Variants in KLHL7 observed in about 807,000 individuals in gnomAD.
KLHL7 encodes kelch-like protein 7.
Under a neutral mutation model 67.4 loss-of-function variants are expected in KLHL7, and 44 were observed. That is an observed-to-expected ratio of 0.65 (90% CI 0.51 to 0.84). KLHL7 has a LOEUF of 0.84. Ranked by LOEUF, KLHL7 falls within the 40% of genes least tolerant of loss-of-function variation. The pLI is 0.00. For synonymous variants in KLHL7, 252 were observed against 243.3 expected, an observed-to-expected ratio of 1.04 and a Z score of -0.33; for missense variants, 362 against 718.1, an observed-to-expected ratio of 0.50 and a Z score of 5.67.
intron 9 of KLHL7, 24 bp downstream of exon 9, chr7:23,168,061 T>G: frequency 1.2e-6 from 2 of 1,600,168 alleles, no homozygotes; most frequent in Non-Finnish European, 1.7e-6. Context: ...TAAAATTTAT[T>G]TTACAGTTAA....
chr7:23,143,181 G>C (rs1401899830), intron 5 of KLHL7, among the ~76,000 whole-genome samples: 1 of 152,200 alleles, frequency 6.6e-6, no homozygotes, highest in East Asian at 1.9e-4. Flanking sequence ...GTGGGTATGG[G>C]AGATGTGTGT....
chr7:23,132,629 G>GCAGA (rs1313821850), intron 4 of KLHL7, among the ~76,000 whole-genome samples: 1 of 152,044 alleles, frequency 6.6e-6, no homozygotes. Context: ...CCTTTACTGT[G>GCAGA]CAGAAGCTTT....
At chr7:23,124,561 G>T in intron 2 of KLHL7, 127 bp from the exon 3 acceptor site, 1 of 712,146 alleles carries the variant, frequency 1.4e-6, no homozygotes. Flanking sequence ...GCTTGCTGGG[G>T]CATTTTCTTC....
chr7:23,140,360 C>T (rs1316741176), intron 4 of KLHL7, among the ~76,000 whole-genome samples: 1 of 152,178 alleles, frequency 6.6e-6, no homozygotes, highest in Non-Finnish European at 1.5e-5. Flanking sequence ...CGAGACCATC[C>T]TGGCTAACAC....
At chr7:23,111,793 G>A (rs1782882412) in intron 1 of KLHL7, among the ~76,000 whole-genome samples, 1 of 130,556 alleles carries the variant, frequency 7.7e-6, no homozygotes, top group African/African-American at 3.1e-5. Context: ...TTGCACTCCA[G>A]CCTGGAGACA....
At chr7:23,125,852 A>T in intron 4 of KLHL7, 1 of 1,550,582 alleles carries the variant, frequency 6.4e-7, no homozygotes, top group Admixed American at 2.0e-5. Flanking sequence ...GAACGTCCAG[A>T]TGTTTGTGCA....
At chr7:23,132,336 TA>T (rs1783831948) in intron 4 of KLHL7, among the ~76,000 whole-genome samples, 1 of 152,368 alleles carries the variant, frequency 6.6e-6, no homozygotes, top group South Asian at 2.1e-4. Context: ...ATCTTTTGGA[TA>T]TGAGCCATTT....
At chr7:23,106,175 C>T (rs1360735010) in intron 1 of KLHL7, 29 bp downstream of exon 1, 1 of 1,605,514 alleles carries the variant, frequency 6.2e-7, no homozygotes, top group Non-Finnish European at 8.5e-7. Flanking sequence ...TGACGGACGA[C>T]GGTGGGAGGT....
chr7:23,170,651 CA>C (rs1233690207), intron 9 of KLHL7, among the ~76,000 whole-genome samples: 1 of 152,096 alleles, frequency 6.6e-6, no homozygotes, highest in Non-Finnish European at 1.5e-5. Flanking sequence ...CAAAAAGAAA[CA>C]AAAGGAAAGA....
rs556366574 is a variant in KLHL7, at chr7:23,174,674, G to A, written c.*376G>A. On this transcript the variant is annotated 3_prime_UTR_variant, in exon 11 of 11. Transcript: ENST00000339077. ...TTCATGCATCACAGAAGTGCTATAC[G>A]GTTAGGTCTGTTTGTGCTCAGTCAA... is the stretch of plus-strand genomic sequence containing the variant. The A allele has an allele frequency of 3.9e-5, 18 of 459,772 alleles. No homozygotes were observed. The highest frequency in any genetic ancestry group is 6.5e-5 in the Non-Finnish European group (15 of 230,526). The allele number at this position is 459,772 out of a possible 1,614,324, so 28.5% of individuals were successfully genotyped here. A position where few individuals can be genotyped will look rare whatever the true frequency, so the allele number is the denominator to read the frequency against.
chr7:23,128,971 T>C (rs1466641392), intron 4 of KLHL7, among the ~76,000 whole-genome samples: 1 of 152,204 alleles, frequency 6.6e-6, no homozygotes, highest in Non-Finnish European at 1.5e-5. Context: ...TACCAAAATG[T>C]GTTTATCCAT....
At chr7:23,108,268 A>G (rs1782726446) in intron 1 of KLHL7, among the ~76,000 whole-genome samples, 1 of 152,214 alleles carries the variant, frequency 6.6e-6, no homozygotes, top group African/African-American at 2.4e-5. Flanking sequence ...TTTAGATAAC[A>G]TGATTTGGGT....
chr7:23,153,412 T>G (rs1232481711), intron 7 of KLHL7, among the ~76,000 whole-genome samples: 1 of 152,142 alleles, frequency 6.6e-6, no homozygotes, highest in African/African-American at 2.4e-5. Flanking sequence ...ATTAGTCTAT[T>G]TGGGTATTTT....
intron 1 of KLHL7, among the ~76,000 whole-genome samples, chr7:23,118,475 A>G (rs573493921): frequency 3.3e-5 from 5 of 152,298 alleles, no homozygotes; most frequent in African/African-American, 9.6e-5. Flanking sequence ...CCCTGCCCCA[A>G]TGATTGATGT....
chr7:23,122,167 G>C (rs1174394180), intron 1 of KLHL7, among the ~76,000 whole-genome samples: 1 of 151,764 alleles, frequency 6.6e-6, no homozygotes, highest in Non-Finnish European at 1.5e-5. Flanking sequence ...ACCTCCTTCA[G>C]TGCCTATAAA....
intron 10 of KLHL7, 81 bp from the exon 11 acceptor site, chr7:23,173,934 A>G: frequency 7.1e-7 from 1 of 1,408,964 alleles, no homozygotes; most frequent in Non-Finnish European, 1.0e-6. Context: ...ATATTGGAAA[A>G]ATACAAAAAG....
In KLHL7 at chr7:23,162,234, A is replaced by G. The variant is rs528803563; in HGVS notation, c.937-3464A>G. ...TTTAGATTAAGATCTTGGGTTCACC[A>G]TTTTCTAATTATGTGACCTTTGGTA... On this transcript the variant is annotated intron_variant, in intron 7 of 10. Transcript: ENST00000339077. Among the ~76,000 whole-genome samples, 11 of 152,290 alleles carry G rather than the reference A, an allele frequency of 7.2e-5. No homozygotes were observed. In the East Asian group the frequency reaches 7.7e-4, roughly 11 times the overall value.
intron 1 of KLHL7, among the ~76,000 whole-genome samples, chr7:23,121,085 G>A (rs191377132): frequency 6.6e-6 from 1 of 152,224 alleles, no homozygotes; most frequent in East Asian, 1.9e-4. Context: ...AGAACATGTA[G>A]CATTTAACTT....
Position 23,151,953 on chromosome 7 carries a change from A to G in KLHL7, c.794-114A>G, listed in dbSNP as rs1784549218. On this transcript the variant is annotated intron_variant, in intron 6 of 10. Coordinates refer to ENST00000339077, the MANE Select transcript of KLHL7 (RefSeq NM_001031710.3). Reference sequence around the variant, plus strand: ...CTCACTTTCCTCAAATGCTATAGAGATATCATAAAAGTAAGTTACTGAAAT... The same window carrying G: ...CTCACTTTCCTCAAATGCTATAGAGGTATCATAAAAGTAAGTTACTGAAAT... 5 of 960,780 alleles carry G rather than the reference A, an allele frequency of 5.2e-6. No individual in the cohort carries two copies. The South Asian group carries it at 5.4e-5, about 10-fold the overall frequency. The allele number at this position is 960,780 out of a possible 1,614,324, so 59.5% of individuals were successfully genotyped here. A position where few individuals can be genotyped will look rare whatever the true frequency, so the allele number is the denominator to read the frequency against.
Sources: allele counts gnomAD v4.1 joint callset (sites outside exome capture counted in the v4.1 genomes callset), GRCh38; gene constraint gnomAD v4.1.1; transcripts MANE v1.5; gene names NCBI Gene and HGNC (gene_info 2026-07-23, HGNC 2026-07-21).